Variants in LETMD1 observed in about 807,000 individuals in gnomAD.
LETMD1 encodes LETM1 domain containing 1.
Under a neutral mutation model 43.9 loss-of-function variants are expected in LETMD1, and 30 were observed. The observed-to-expected ratio is 0.68, with a 90% CI of 0.51 to 0.93. The LOEUF is 0.93. LETMD1 is among the 40% of genes least tolerant of loss of function. The pLI is 0.00. For missense variants in LETMD1, 413 were observed against 447.7 expected (o/e 0.92, Z 0.70); for synonymous variants, 176 against 163.1 (o/e 1.08, Z -0.60).
At chr12:51,068,750 A>G in the LETMD1 span, among the ~76,000 whole-genome samples, 1 of 152,192 alleles carries the variant, frequency 6.6e-6, no homozygotes, top group Non-Finnish European at 1.5e-5. Flanking sequence ...ACACCCTTCA[A>G]CTTGCACCCA....
At chr12:51,052,274 GT>G in intron 3 of LETMD1, 67 bp downstream of exon 3, 1 of 1,577,734 alleles carries the variant, frequency 6.3e-7, no homozygotes, top group Non-Finnish European at 8.6e-7. Flanking sequence ...AGATCTCAAG[GT>G]TTTTTCTTTC....
intron 8 of LETMD1, chr12:51,059,134 A>G (rs865981309): frequency 1.8e-5 from 9 of 512,604 alleles, no homozygotes; most frequent in Middle Eastern, 1.1e-3. Flanking sequence ...TGAATTTTCT[A>G]CTGCAATCAC....
downstream of LETMD1, chr12:51,061,873 A>G (rs1370967553): frequency 1.3e-5 from 2 of 152,154 alleles, no homozygotes; most frequent in Non-Finnish European, 2.9e-5. Context: ...ATAAAGCCAA[A>G]TTCCCAATTA....
downstream of LETMD1, chr12:51,063,358 C>T (rs1937768969): frequency 6.4e-6 from 1 of 156,318 alleles, no homozygotes; most frequent in Non-Finnish European, 1.4e-5. Context: ...TGAGCTTGTA[C>T]TCTGCCTGGG....
At chr12:51,058,256 A>G (rs1948300040) in intron 8 of LETMD1, 128 bp downstream of exon 8, 2 of 666,232 alleles carry the variant, frequency 3.0e-6, no homozygotes, top group Non-Finnish European at 5.4e-6. Flanking sequence ...TTGAAAGGGC[A>G]CAAACTCACA....
At chr12:51,067,223 G>A in the LETMD1 span, among the ~76,000 whole-genome samples, 1 of 149,734 alleles carries the variant, frequency 6.7e-6, no homozygotes, top group African/African-American at 2.4e-5. The surrounding 1 kb of genome is among the most constrained non-coding windows in gnomAD (Gnocchi z 4.1). Flanking sequence ...TTTACTAAAT[G>A]TTAAATGTAC....
At chr12:51,058,358 G>A in intron 8 of LETMD1, 1 of 535,552 alleles carries the variant, frequency 1.9e-6, no homozygotes, top group Non-Finnish European at 3.3e-6. Context: ...ATGCATGCTA[G>A]TGTGAATTTT....
chr12:51,051,848 A>C (rs1361945555), intron 2 of LETMD1, among the ~76,000 whole-genome samples: 2 of 152,210 alleles, frequency 1.3e-5, no homozygotes, highest in African/African-American at 4.8e-5. Flanking sequence ...GAAGAGGGAG[A>C]CCATTCCATA....
In LETMD1 at chr12:51,052,217, AG is replaced by A; in HGVS notation, c.390+14del. ...GGAGCATTTGAGACAGGTATGGGCC[AG>A]GGGCAGATATCCAGAAGTTCATGGT... is the stretch of plus-strand genomic sequence containing the variant. On this transcript the variant is annotated intron_variant, in intron 3 of 8. Transcript: ENST00000262055. 2 of 1,613,338 alleles carry A rather than the reference AG, an allele frequency of 1.2e-6. No homozygotes were observed.
At chr12:51,066,453 CAA>C in the LETMD1 span, among the ~76,000 whole-genome samples, 24 of 78,102 alleles carry the variant, frequency 3.1e-4, no homozygotes, top group Admixed American at 4.5e-4. Flanking sequence ...GACTCCGTCT[CAA>C]AAAAAAAAAA....
chr12:51,049,061 G>A lies in LETMD1; in HGVS notation c.150G>A (p.Lys50=), dbSNP rs144114153. Residue 50 remains lysine, a synonymous_variant, in exon 2 of 9, where the codon AAG becomes AAA. Transcript: ENST00000262055. The part of the protein sequence containing the change: ...PRSSKLHLSP[K]ADVKNLMSYV... ...CTTCAAAGCTTCACCTTTCTCCAAA[G>A]GCAGATGTGAAGAACTTGATGTCTT... 12 of 1,613,932 alleles carry A rather than the reference G, an allele frequency of 7.4e-6. No homozygotes were observed. The highest frequency in any genetic ancestry group is 1.0e-5 in the Non-Finnish European group (12 of 1,179,994).
chr12:51,053,212 C>G (rs1238134661), intron 3 of LETMD1, among the ~76,000 whole-genome samples: 1 of 152,024 alleles, frequency 6.6e-6, no homozygotes, highest in Non-Finnish European at 1.5e-5. Context: ...GAATCTAGGA[C>G]CCATTCCGCA....
At chr12:51,063,631 C>T (rs112998981), downstream of LETMD1, 10 of 821,452 alleles carry the variant, frequency 1.2e-5, no homozygotes, top group African/African-American at 1.7e-4. Context: ...CCCCAAAGAC[C>T]CCAATAAAAT....
Position 51,059,472 on chromosome 12 carries a change from G to C in LETMD1, c.*41G>C. The C allele has an allele frequency of 1.3e-6, 2 of 1,554,632 alleles. No individual in the cohort carries two copies. The highest frequency in any genetic ancestry group is 1.8e-6 in the Non-Finnish European group (2 of 1,125,776). On this transcript the variant is annotated 3_prime_UTR_variant, in exon 9 of 9. Coordinates refer to ENST00000262055, the MANE Select transcript of LETMD1 (RefSeq NM_015416.5). ...GATGGCATTGTCCTGCAGTCGTATA[G>C]TATAGCAGTGCAGGAACAAACAGCA...
downstream of LETMD1, chr12:51,064,095 A>G: frequency 6.2e-7 from 1 of 1,614,186 alleles, no homozygotes; most frequent in Non-Finnish European, 8.5e-7. Context: ...TTTCACTCCC[A>G]AGACTGGCCT....
Position 51,056,395 on chromosome 12 carries a change from C to T in LETMD1, c.808C>T (p.Pro270Ser), listed in dbSNP as rs1240200759. The T allele has an allele frequency of 2.5e-6, 4 of 1,614,228 alleles. No individual in the cohort carries two copies. The highest frequency in any genetic ancestry group is 3.4e-6 in the Non-Finnish European group (4 of 1,180,036). ...AMLLTSYLPP[P>S]LLRHRLKTHT... Reference sequence around the variant, plus strand: ...GCTTCTCACATCTTACCTGCCTCCTCCCTTGTTGAGACATCGTTTGAAGAC... The same window carrying T: ...GCTTCTCACATCTTACCTGCCTCCTTCCTTGTTGAGACATCGTTTGAAGAC... The change falls in exon 7 of 9, where the codon CCC becomes TCC. Residue 270 changes from proline (P) to serine (S), a missense_variant. By Grantham distance (74) the Pro-to-Ser change is moderately conservative. Coordinates refer to ENST00000262055, the MANE Select transcript of LETMD1 (RefSeq NM_015416.5).
chr12:51,062,035 T>TC (rs1661862330), downstream of LETMD1: 1 of 151,922 alleles, frequency 6.6e-6, no homozygotes, highest in South Asian at 2.1e-4. Context: ...GTACTTAAGT[T>TC]CCCCTCCAAA....
At chr12:51,063,132 G>A (rs531600640), downstream of LETMD1, 9 of 152,220 alleles carry the variant, frequency 5.9e-5, no homozygotes, top group African/African-American at 2.2e-4. Context: ...CCCCAGTGTG[G>A]GGAACAGGTC....
At chr12:51,066,510 G>A in the LETMD1 span, among the ~76,000 whole-genome samples, 1 of 151,260 alleles carries the variant, frequency 6.6e-6, no homozygotes, top group South Asian at 2.1e-4. Flanking sequence ...GCATAGTGGT[G>A]CACACCTGTA....
Sources: allele counts gnomAD v4.1 joint callset (sites outside exome capture counted in the v4.1 genomes callset), GRCh38; gene constraint gnomAD v4.1.1; non-coding constraint Gnocchi (gnomAD v3.1); transcripts MANE v1.5; gene names NCBI Gene and HGNC (gene_info 2026-07-23, HGNC 2026-07-21).